The following CTNNA2 variants were observed in gnomAD, a reference collection of about 807,000 sequenced individuals.
The protein encoded by CTNNA2 is catenin alpha-2.
Under a neutral mutation model 101.0 loss-of-function variants are expected in CTNNA2, and 42 were observed. That is an observed-to-expected ratio of 0.42 (90% CI 0.32 to 0.54). The LOEUF (loss-of-function observed/expected upper bound fraction) is 0.54. CTNNA2 is among the 20% of genes least tolerant of loss of function. The probability of loss-of-function intolerance (pLI) is 0.14; values close to 1 mark genes in which losing one functional copy is unlikely to be tolerated. For missense variants in CTNNA2, 871 were observed against 1,223.1 expected (o/e 0.71, Z 4.29); for synonymous variants, 450 against 456.4 (o/e 0.99, Z 0.18).
intron 1 of CTNNA2, among the ~76,000 whole-genome samples, chr2:79,603,426 A>C (rs1042269190): frequency 2.6e-5 from 4 of 152,224 alleles, no homozygotes; most frequent in African/African-American, 9.6e-5. Context: ...TTGGAATGAC[A>C]AAACTTATAA....
chr2:80,580,392 T>G (rs1332639535), intron 13 of CTNNA2, among the ~76,000 whole-genome samples: 1 of 152,194 alleles, frequency 6.6e-6, no homozygotes, highest in Non-Finnish European at 1.5e-5. Flanking sequence ...TAAGCAATTT[T>G]ATAACTTCAG....
intron 7 of CTNNA2, among the ~76,000 whole-genome samples, chr2:79,929,175 A>C (rs999979523): frequency 2.0e-5 from 3 of 152,170 alleles, no homozygotes; most frequent in Admixed American, 2.0e-4. Context: ...TAGCAACTGA[A>C]TATATCATTT....
intron 3 of CTNNA2, among the ~76,000 whole-genome samples, chr2:79,846,242 A>T (rs1440564390): frequency 6.6e-6 from 1 of 152,140 alleles, no homozygotes; most frequent in Non-Finnish European, 1.5e-5. Context: ...TCATTCTGAG[A>T]ATTGTTCCTG....
At chr2:79,501,965 CTT>C (rs59130555) in intron 4 of CTNNA2, among the ~76,000 whole-genome samples, 218 of 128,660 alleles carry the variant, frequency 1.7e-3, no homozygotes, top group East Asian at 2.1e-3. Flanking sequence ...GGATATTAGT[CTT>C]TTTTTTTTTT....
At chr2:80,133,772 T>C (rs1338434078) in intron 7 of CTNNA2, among the ~76,000 whole-genome samples, 1 of 152,206 alleles carries the variant, frequency 6.6e-6, no homozygotes, top group Non-Finnish European at 1.5e-5. Flanking sequence ...CATAATTTTC[T>C]CTATATGACT....
chr2:79,827,900 T>G (rs1678570201), intron 3 of CTNNA2, among the ~76,000 whole-genome samples: 1 of 152,242 alleles, frequency 6.6e-6, no homozygotes, highest in African/African-American at 2.4e-5. Context: ...AAGTTGGTAT[T>G]ACTTCATTGT....
intron 7 of CTNNA2, among the ~76,000 whole-genome samples, chr2:80,352,819 G>A (rs900648852): frequency 2.0e-5 from 3 of 151,688 alleles, no homozygotes; most frequent in African/African-American, 7.3e-5. Context: ...TCCATTTTAT[G>A]GAATACCAGG....
At chr2:79,328,061 G>A (rs572353312) in intron 3 of CTNNA2, among the ~76,000 whole-genome samples, 5 of 152,198 alleles carry the variant, frequency 3.3e-5, no homozygotes, top group South Asian at 4.1e-4. Flanking sequence ...GAAGGGAAGC[G>A]AAGTAAAAAA....
intron 7 of CTNNA2, among the ~76,000 whole-genome samples, chr2:79,971,952 A>C (rs1185409643): frequency 6.6e-6 from 1 of 152,134 alleles, no homozygotes; most frequent in Non-Finnish European, 1.5e-5. Flanking sequence ...TGAAAACCTC[A>C]TTGCTCCACC....
intron 11 of CTNNA2, among the ~76,000 whole-genome samples, chr2:80,555,027 T>C (rs559935443): frequency 6.6e-6 from 1 of 152,306 alleles, no homozygotes; most frequent in Admixed American, 6.5e-5. Flanking sequence ...AGATCTTGAC[T>C]ATAATCTGAG....
At chr2:80,069,989 C>G (rs1035284153) in intron 7 of CTNNA2, among the ~76,000 whole-genome samples, 1 of 152,194 alleles carries the variant, frequency 6.6e-6, no homozygotes, top group Non-Finnish European at 1.5e-5. Context: ...TAATACTAAA[C>G]TAAGAGATCT....
At chr2:79,507,918 G>A (rs1027163583) in intron 5 of CTNNA2, among the ~76,000 whole-genome samples, 5 of 152,182 alleles carry the variant, frequency 3.3e-5, no homozygotes, top group South Asian at 2.1e-4. Context: ...CCCAGCACAC[G>A]CCAATACAAT....
chr2:79,638,257 T>C (rs569264084), intron 1 of CTNNA2, among the ~76,000 whole-genome samples: 2 of 152,370 alleles, frequency 1.3e-5, no homozygotes, highest in East Asian at 3.9e-4. Context: ...TAAAGCCATG[T>C]AGATTCATTT....
chr2:79,630,891 G>A (rs191412825), intron 1 of CTNNA2, among the ~76,000 whole-genome samples: 49 of 150,174 alleles, frequency 3.3e-4, no homozygotes, highest in African/African-American at 1.2e-3. Context: ...TGAGAATAAT[G>A]TACATTTTAT....
intron 7 of CTNNA2, among the ~76,000 whole-genome samples, chr2:80,166,085 T>C (rs1704672365): frequency 6.6e-6 from 1 of 152,170 alleles, no homozygotes; most frequent in Non-Finnish European, 1.5e-5. Context: ...TTAAGAAATA[T>C]ATATTTGATC....
chr2:79,714,475 T>C (rs1221339838), intron 2 of CTNNA2, among the ~76,000 whole-genome samples: 1 of 152,180 alleles, frequency 6.6e-6, no homozygotes, highest in Non-Finnish European at 1.5e-5. Context: ...ATGGCTATCA[T>C]AGATTATGCT....
chr2:79,612,406 T>C (rs1678335837), intron 1 of CTNNA2, among the ~76,000 whole-genome samples: 1 of 152,178 alleles, frequency 6.6e-6, no homozygotes, highest in African/African-American at 2.4e-5. Flanking sequence ...GTTTGAATGT[T>C]TCATTGTTAG....
intron 3 of CTNNA2, among the ~76,000 whole-genome samples, chr2:79,344,842 CAAA>C (rs1266037015): frequency 7.8e-4 from 112 of 143,660 alleles, no homozygotes; most frequent in Admixed American, 2.3e-3. Context: ...ATATATAATA[CAAA>C]TATTATATAT....
chr2:80,467,982 A>G (rs1684993772), intron 9 of CTNNA2, among the ~76,000 whole-genome samples: 2 of 152,200 alleles, frequency 1.3e-5, no homozygotes, highest in Admixed American at 1.3e-4. Flanking sequence ...ACTAAGATAC[A>G]AACATAATAG....
Sources: gnomAD v4.1 joint callset for allele counts (sites outside exome capture counted in the v4.1 genomes callset) on GRCh38, gnomAD v4.1.1 for gene constraint, MANE v1.5 for transcripts, NCBI Gene and HGNC (gene_info 2026-07-23, HGNC 2026-07-21) for gene names.